ANTXRL: variants seen among roughly 807,000 people sequenced by gnomAD.
The protein encoded by ANTXRL is ANTXR like.
ANTXRL carries 63 observed loss-of-function variants against 75.4 expected under a neutral mutation model. The ratio of observed to expected loss-of-function variants is 0.84; its 90% CI spans 0.68 to 1.03. The LOEUF is 1.03. ANTXRL is among the 50% of genes least tolerant of loss of function. The pLI, the probability that ANTXRL is intolerant of heterozygous loss-of-function variation, is 0.00. For synonymous variants in ANTXRL, 335 were observed against 291.3 expected, an observed-to-expected ratio of 1.15 and a Z score of -1.53; for missense variants, 797 against 789.4, an observed-to-expected ratio of 1.01 and a Z score of -0.12.
chr10:46,317,148 A>G (rs1379345740), intron 16 of ANTXRL, among the ~76,000 whole-genome samples: 1 of 152,168 alleles, frequency 6.6e-6, no homozygotes, highest in East Asian at 1.9e-4. Context: ...GTTTAATATT[A>G]GAAGCATTTT....
chr10:46,305,627 C>T (rs1417106627), intron 10 of ANTXRL, among the ~76,000 whole-genome samples: 1 of 152,146 alleles, frequency 6.6e-6, no homozygotes, highest in African/African-American at 2.4e-5. Context: ...CAGGCAGATG[C>T]AGCAGGGCCC....
Position 46,312,341 on chromosome 10 carries a change from CTCCT to C in ANTXRL, c.1329+679_1329+682del, listed in dbSNP as rs1242071065. The stretch of plus-strand genomic sequence containing the variant: ...CAACAGCCACTCTCCCTGAGGAAAC[CTCCT>C]TCACGGGCGGGTCCAGGGCCCATCT... On this transcript the variant is annotated intron_variant, in intron 15 of 16. Coordinates refer to ENST00000620264, the MANE Select transcript of ANTXRL (RefSeq NM_001278688.3). Among the ~76,000 whole-genome samples the C allele has an allele frequency of 3.4e-5, 5 of 148,162 alleles. 1 individual carries two copies. The highest frequency in any genetic ancestry group is 1.2e-4 in the African/African-American group (5 of 40,646).
rs1185191080 is a variant in ANTXRL, at chr10:46,329,975, C to T, written c.1787C>T (p.Pro596Leu). ...TGCTCCTCCAGGTGCCGCCTCCCCC[C>T]AGCTAGGTGCTTGAGGCCTCCCTCC... ...LTCSSRCRLP[P>L]ARCLRPPSRM... is the part of the protein sequence containing the mutation. Residue 596 changes from proline to leucine, a missense_variant, in exon 17 of 17, where the codon CCA becomes CTA. By Grantham distance (98) the Pro-to-Leu change is moderately conservative. Coordinates refer to ENST00000620264, the MANE Select transcript of ANTXRL (RefSeq NM_001278688.3). 1 of 1,535,816 alleles carries T rather than the reference C, an allele frequency of 6.5e-7. No homozygotes were observed. The highest frequency in any genetic ancestry group is 8.7e-7 in the Non-Finnish European group (1 of 1,146,716).
At chr10:46,287,629 C>G in intron 1 of ANTXRL, 119 bp downstream of exon 1, 1 of 1,381,990 alleles carries the variant, frequency 7.2e-7, no homozygotes, top group Non-Finnish European at 9.5e-7. Context: ...CAGGGCCAAA[C>G]TTTGGTCAGA....
chr10:46,297,998 C>T lies in ANTXRL; in HGVS notation c.736-4C>T. 6.5e-7 allele frequency: 1 copy of T among 1,535,908 alleles called. No individual in the cohort carries two copies. The highest frequency in any genetic ancestry group is 1.2e-5 in the South Asian group (1 of 84,052). On this transcript the variant is annotated splice_polypyrimidine_tract_variant and splice_region_variant and intron_variant, in intron 8 of 16. Coordinates refer to ENST00000620264, the MANE Select transcript of ANTXRL (RefSeq NM_001278688.3). Reference sequence around the variant, plus strand: ...TGTCCCGCCCCACCCCTCCTGTGTTCCAGCTCACGTCAAAGGTCTGTCTTG... The same window carrying T: ...TGTCCCGCCCCACCCCTCCTGTGTTTCAGCTCACGTCAAAGGTCTGTCTTG...
At chr10:46,299,598 C>G (rs1837595041) in intron 9 of ANTXRL, among the ~76,000 whole-genome samples, 1 of 152,264 alleles carries the variant, frequency 6.6e-6, no homozygotes, top group East Asian at 1.9e-4. Context: ...AGCAGCTGGG[C>G]TCTGGCCTCC....
intron 11 of ANTXRL, 71 bp from the exon 12 acceptor site, chr10:46,307,329 ACC>A: frequency 1.9e-6 from 2 of 1,064,772 alleles, no homozygotes; most frequent in Middle Eastern, 2.0e-4. Flanking sequence ...ACCTCTCATT[ACC>A]CATGCTGTCC....
chr10:46,313,153 C>T, intron 15 of ANTXRL, 83 bp from the exon 16 acceptor site: 1 of 1,223,560 alleles, frequency 8.2e-7, no homozygotes, highest in South Asian at 1.3e-5. Context: ...GGGCACAGAG[C>T]TGTGGGGGGC....
rs782553830 is a variant in ANTXRL, at chr10:46,297,820, G to C, written c.655-11G>C. ...CTGGTGGGGAGTCCAACCCAGCTCTGCTCTCTGTAGATAACAGCAATTGCA... is the reference window on the plus strand; with the variant it reads ...CTGGTGGGGAGTCCAACCCAGCTCTCCTCTCTGTAGATAACAGCAATTGCA... On this transcript the variant is annotated splice_polypyrimidine_tract_variant and intron_variant, in intron 7 of 16. Transcript: ENST00000620264. 2.1e-5 allele frequency: 32 copies of C among 1,535,558 alleles called. No homozygotes were observed. Among genetic ancestry groups the C allele is most frequent in the Non-Finnish European group, 2.7e-5 (31 of 1,146,602 alleles).
chr10:46,297,666 C>T (rs1317632798), intron 7 of ANTXRL, among the ~76,000 whole-genome samples, 165 bp from the exon 8 acceptor site: 1 of 152,088 alleles, frequency 6.6e-6, no homozygotes, highest in African/African-American at 2.4e-5. Flanking sequence ...TGGAAGAGCT[C>T]CCCGCTCCCT....
At chr10:46,305,289 C>T (rs1199222437) in intron 10 of ANTXRL, among the ~76,000 whole-genome samples, 4 of 152,110 alleles carry the variant, frequency 2.6e-5, no homozygotes, top group African/African-American at 7.2e-5. Flanking sequence ...CTTCTGGAAG[C>T]GCCTGGATGC....
At chr10:46,292,206 C>T in intron 2 of ANTXRL, 77 bp downstream of exon 2, 2 of 1,397,622 alleles carry the variant, frequency 1.4e-6, no homozygotes, top group Non-Finnish European at 2.0e-6. Context: ...GGGCACATCC[C>T]ATCAGATGGG....
At chr10:46,327,782 C>A (rs1158930583) in intron 16 of ANTXRL, among the ~76,000 whole-genome samples, 1 of 152,106 alleles carries the variant, frequency 6.6e-6, no homozygotes, top group Admixed American at 6.5e-5. Flanking sequence ...GACCATCAGG[C>A]TGAGACTGGC....
chr10:46,292,612 T>G (rs372660729), intron 2 of ANTXRL, among the ~76,000 whole-genome samples: 20 of 152,104 alleles, frequency 1.3e-4, no homozygotes, highest in South Asian at 1.2e-3. Context: ...CTGACTTGGC[T>G]GGGAATGAGA....
intron 16 of ANTXRL, among the ~76,000 whole-genome samples, chr10:46,321,239 T>G (rs955014395): frequency 2.6e-5 from 4 of 152,132 alleles, no homozygotes; most frequent in Non-Finnish European, 5.9e-5. Flanking sequence ...CTGATTATGG[T>G]CCCATGAATT....
At chr10:46,299,787 A>T (rs1224115095) in intron 9 of ANTXRL, among the ~76,000 whole-genome samples, 1 of 152,148 alleles carries the variant, frequency 6.6e-6, no homozygotes, top group Non-Finnish European at 1.5e-5. Flanking sequence ...GTCCAAAGGC[A>T]CTGGGCTGTG....
chr10:46,325,784 C>T (rs573147191), intron 16 of ANTXRL, among the ~76,000 whole-genome samples: 45 of 152,230 alleles, frequency 3.0e-4, no homozygotes, highest in African/African-American at 1.0e-3. Context: ...ATGTGTTCAG[C>T]ATTTTCTCTA....
At chr10:46,323,837 G>A (rs1214990000) in intron 16 of ANTXRL, among the ~76,000 whole-genome samples, 1 of 152,106 alleles carries the variant, frequency 6.6e-6, no homozygotes, top group Non-Finnish European at 1.5e-5. Context: ...CTGTCTTTCC[G>A]AGGTAAAGAT....
intron 3 of ANTXRL, among the ~76,000 whole-genome samples, chr10:46,295,802 C>G (rs147735407): frequency 6.6e-6 from 1 of 152,208 alleles, no homozygotes; most frequent in African/African-American, 2.4e-5. Flanking sequence ...GGTGAAGTTC[C>G]CCAGGCCTGC....
Sources: gnomAD v4.1 joint callset for allele counts (sites outside exome capture counted in the v4.1 genomes callset) on GRCh38, gnomAD v4.1.1 for gene constraint, MANE v1.5 for transcripts, NCBI Gene and HGNC (gene_info 2026-07-23, HGNC 2026-07-21) for gene names.